Variants in HCK observed in about 807,000 individuals in gnomAD.
The protein encoded by HCK is HCK proto-oncogene, Src family tyrosine kinase, also known as tyrosine-protein kinase HCK.
In HCK, 40 loss-of-function variants were observed where a neutral mutation model predicts 70.4. The ratio of observed to expected loss-of-function variants is 0.57; its 90% CI spans 0.44 to 0.74. The LOEUF is 0.74. Among genes scored for constraint, HCK ranks in the 30% least tolerant of loss-of-function variants. HCK has a pLI of 0.00. For synonymous variants in HCK, 245 were observed against 263.2 expected, an observed-to-expected ratio of 0.93 and a Z score of 0.67; for missense variants, 568 against 697.2, an observed-to-expected ratio of 0.81 and a Z score of 2.09.
chr20:32,064,430 A>C (rs902265194), intron 1 of HCK, among the ~76,000 whole-genome samples: 1 of 152,214 alleles, frequency 6.6e-6, no homozygotes, highest in East Asian at 1.9e-4. Context: ...CCAAAGGAAA[A>C]TTGGAGAACT....
chr20:32,056,985 C>T (rs548848021), intron 1 of HCK, among the ~76,000 whole-genome samples: 55 of 152,290 alleles, frequency 3.6e-4, no homozygotes, highest in Non-Finnish European at 5.7e-4. Flanking sequence ...CTGCCCTCCC[C>T]GAACACCCCT....
At chr20:32,088,789 T>C (rs968593500) in intron 10 of HCK, 145 bp downstream of exon 10, 4 of 626,032 alleles carry the variant, frequency 6.4e-6, no homozygotes, top group Admixed American at 3.2e-5. Flanking sequence ...CTATGTTTTT[T>C]GCATATATTT....
chr20:32,073,375 A>G lies in HCK; in HGVS notation c.226+14A>G, dbSNP rs1462188937. The stretch of plus-strand genomic sequence containing the variant: ...GAATCAGGGAGGGTAAGTATCTACG[A>G]GCAGATGCAGTGGAGTCATGTGTCC... On this transcript the variant is annotated intron_variant, in intron 3 of 12. Transcript: ENST00000375852. 1 of 1,609,314 alleles carries G rather than the reference A, an allele frequency of 6.2e-7. No homozygotes were observed. The highest frequency in any genetic ancestry group is 1.1e-5 in the South Asian group (1 of 90,534).
chr20:32,099,272 G>T (rs994638796), intron 12 of HCK, 137 bp downstream of exon 12: 1 of 860,240 alleles, frequency 1.2e-6, no homozygotes, highest in Non-Finnish European at 1.8e-6. Context: ...CTTAGTTAAA[G>T]GCACCTCCAT....
intron 1 of HCK, among the ~76,000 whole-genome samples, chr20:32,066,331 T>TTTTTTGA (rs60044994): frequency 0.33 from 26,803 of 81,528 alleles, 8,807 homozygotes; most frequent in Non-Finnish European, 0.47. Context: ...TTTTTTTTTT[T>TTTTTTGA]GACAGAGTCT....
At chr20:32,071,819 C>A (rs770450499) in intron 2 of HCK, 37 bp downstream of exon 2, 19 of 1,604,318 alleles carry the variant, frequency 1.2e-5, no homozygotes, top group Non-Finnish European at 1.5e-5. Flanking sequence ...TGGGGGCTGA[C>A]GGATGCTGCC....
chr20:32,063,928 T>C (rs1310080645), intron 1 of HCK, among the ~76,000 whole-genome samples: 1 of 151,774 alleles, frequency 6.6e-6, no homozygotes, highest in African/African-American at 2.4e-5. Flanking sequence ...GGCCTTTTTT[T>C]CCAGCTAGAA....
chr20:32,066,464 G>A (rs144911828), intron 1 of HCK, among the ~76,000 whole-genome samples: 2,245 of 151,354 alleles, frequency 0.015, 63 homozygotes, highest in African/African-American at 0.049. Flanking sequence ...GGTGTGCGCC[G>A]CCACACCTGG....
At chr20:32,066,973 T>C (rs2045468364) in intron 1 of HCK, among the ~76,000 whole-genome samples, 1 of 152,174 alleles carries the variant, frequency 6.6e-6, no homozygotes, top group African/African-American at 2.4e-5. Flanking sequence ...AATCTTTATC[T>C]ATTCAGATCC....
At chr20:32,083,526 A>G (rs2045735944) in intron 6 of HCK, among the ~76,000 whole-genome samples, 1 of 152,204 alleles carries the variant, frequency 6.6e-6, no homozygotes, top group African/African-American at 2.4e-5. Flanking sequence ...AATAATGAAG[A>G]TGATGATGAT....
rs2045741350 is a variant in HCK, at chr20:32,083,886, C to G, written c.533-8C>G. The G allele has an allele frequency of 6.2e-7, 1 of 1,614,116 alleles. No homozygotes were observed. Among genetic ancestry groups the G allele is most frequent in the Non-Finnish European group, 8.5e-7 (1 of 1,180,014 alleles). ...CCATTCTGAGGGGTTTCTCTTTGGT[C>G]AATTCAGGAAGCTACTCTTTGTCCG... On this transcript the variant is annotated splice_region_variant and splice_polypyrimidine_tract_variant and intron_variant, in intron 6 of 12. Coordinates refer to ENST00000375852, the MANE Select transcript of HCK (RefSeq NM_002110.5).
chr20:32,093,517 G>C (rs2045892472), intron 10 of HCK, among the ~76,000 whole-genome samples: 2 of 152,074 alleles, frequency 1.3e-5, no homozygotes, highest in South Asian at 4.2e-4. Flanking sequence ...GTGTGTGTGT[G>C]TGTGTGCATG....
At chr20:32,096,493 C>G (rs1412921577) in intron 11 of HCK, among the ~76,000 whole-genome samples, 2 of 101,106 alleles carry the variant, frequency 2.0e-5, no homozygotes, top group Non-Finnish European at 3.9e-5. Context: ...GAGCGAGACT[C>G]CGTCTCAAAA....
chr20:32,073,237 G>C (rs2045569658), intron 2 of HCK, 82 bp from the exon 3 acceptor site: 2 of 1,160,880 alleles, frequency 1.7e-6, no homozygotes, highest in African/African-American at 3.1e-5. Flanking sequence ...AGATGCTCTT[G>C]GGTGTCCTTC....
Position 32,084,239 on chromosome 20 carries a change from G to A in HCK, c.683-152G>A, listed in dbSNP as rs558742570. On this transcript the variant is annotated intron_variant, in intron 7 of 12. Transcript: ENST00000375852. ...GGCCAAGATGTAGAGGTGGCACCCC[G>A]TCACACTCTGCTTGCTTGGGAATGT... The A allele has an allele frequency of 7.6e-5, 79 of 1,038,442 alleles. 1 individual carries two copies. The highest frequency in any genetic ancestry group is 5.5e-4 in the East Asian group (21 of 38,444). The allele number at this position is 1,038,442 out of a possible 1,614,324, so 64.3% of individuals were successfully genotyped here. A position where few individuals can be genotyped will look rare whatever the true frequency, so the allele number is the denominator to read the frequency against.
intron 11 of HCK, among the ~76,000 whole-genome samples, chr20:32,097,752 C>G (rs1172243580): frequency 6.6e-6 from 1 of 152,098 alleles, no homozygotes; most frequent in Non-Finnish European, 1.5e-5. Flanking sequence ...CACACAAACA[C>G]ACACATAGAA....
intron 1 of HCK, among the ~76,000 whole-genome samples, chr20:32,065,251 G>C (rs2045438827): frequency 6.6e-6 from 1 of 152,188 alleles, no homozygotes; most frequent in African/African-American, 2.4e-5. Flanking sequence ...ATTTCCTGTA[G>C]AATTGTTAGA....
In HCK at chr20:32,099,272, G is replaced by A. The variant is rs994638796; in HGVS notation, c.1378+137G>A. On this transcript the variant is annotated intron_variant, in intron 12 of 12. Coordinates refer to ENST00000375852, the MANE Select transcript of HCK (RefSeq NM_002110.5). Reference sequence around the variant, plus strand: ...CCTCACCTTTCCTGTCTTAGTTAAAGGCACCTCCATCCATCTAATGTCTTA... The same window carrying A: ...CCTCACCTTTCCTGTCTTAGTTAAAAGCACCTCCATCCATCTAATGTCTTA... 4 of 860,158 alleles carry A rather than the reference G, an allele frequency of 4.7e-6. No individual in the cohort carries two copies. In the African/African-American group the frequency reaches 6.8e-5, roughly 15 times the overall value. 53.3% of individuals were successfully genotyped at this position (860,158 alleles called of 1,614,324 possible). A position where few individuals can be genotyped will look rare whatever the true frequency, so the allele number is the denominator to read the frequency against.
Position 32,074,702 on chromosome 20 carries a change from G to A in HCK, c.409G>A (p.Asp137Asn). The A allele has an allele frequency of 6.2e-7, 1 of 1,613,456 alleles. No individual in the cohort carries two copies. The highest frequency in any genetic ancestry group is 8.5e-7 in the Non-Finnish European group (1 of 1,179,412). The change falls in exon 5 of 13, where the codon GAC (aspartate) becomes AAC (asparagine). Residue 137 changes from aspartate (D) to asparagine (N), a missense_variant. Around this residue, in one of 4 missense-constraint regions of HCK, gnomAD observed 318 missense variants for 336.0 expected, o/e 0.95. Transcript: ENST00000375852. ...CCCAAGCAACTATGTCGCCCGCGTT[G>A]ACTCTCTGGAGACAGAGGAGTAAGT...
Sources: allele counts gnomAD v4.1 joint callset (sites outside exome capture counted in the v4.1 genomes callset), GRCh38; gene constraint gnomAD v4.1.1; regional missense constraint gnomAD v4.1.1; transcripts MANE v1.5; gene names NCBI Gene and HGNC (gene_info 2026-07-23, HGNC 2026-07-21).